Variants in OSBPL6 observed in about 807,000 individuals in gnomAD.
OSBPL6 encodes the protein oxysterol-binding protein-related protein 6.
In OSBPL6, 49 loss-of-function variants were observed where a neutral mutation model predicts 125.8. That is an observed-to-expected ratio of 0.39 (90% CI 0.31 to 0.49). The LOEUF is 0.49. Among genes scored for constraint, OSBPL6 ranks in the 20% least tolerant of loss-of-function variants. OSBPL6 has a pLI of 0.88. For synonymous variants in OSBPL6, 394 were observed against 391.8 expected (o/e 1.01, Z -0.07); for missense variants, 986 against 1,135.4 (o/e 0.87, Z 1.89).
intron 17 of OSBPL6, 86 bp downstream of exon 17, chr2:178,383,363 G>T (rs779770011): frequency 8.1e-5 from 121 of 1,487,210 alleles, no homozygotes; most frequent in Non-Finnish European, 1.1e-4. Flanking sequence ...TGATATATTT[G>T]GCATTTGCAT....
chr2:178,210,577 G>A (rs548376562), intron 1 of OSBPL6, among the ~76,000 whole-genome samples: 1 of 152,206 alleles, frequency 6.6e-6, no homozygotes, highest in South Asian at 2.1e-4. Context: ...GGAGGCTGAG[G>A]CGGCAAATCA....
At position 178,325,089 on chromosome 2, in the gene OSBPL6, G is replaced by A. The variant is rs533059362; in HGVS notation, c.195+820G>A. Reference sequence around the variant, plus strand: ...TCAGACTGGGGAAAATTAAATTCACGTATGTCTAAAATGTAAAAATGATAG... The same window carrying A: ...TCAGACTGGGGAAAATTAAATTCACATATGTCTAAAATGTAAAAATGATAG... On this transcript the variant is annotated intron_variant, in intron 4 of 24. Transcript: ENST00000190611. 1.9e-3 allele frequency among the ~76,000 whole-genome samples: 291 copies of A among 152,222 alleles called. 2 individuals are homozygous for A. The highest frequency in any genetic ancestry group is 3.4e-3 in the Middle Eastern group (1 of 294).
chr2:178,261,669 C>CT (rs2092068256), intron 1 of OSBPL6, among the ~76,000 whole-genome samples: 1 of 152,190 alleles, frequency 6.6e-6, no homozygotes, highest in Admixed American at 6.5e-5. Context: ...TAGTTACTGG[C>CT]TTCTGCAGTA....
At chr2:178,284,423 T>A (rs555874730) in intron 1 of OSBPL6, among the ~76,000 whole-genome samples, 71 of 152,178 alleles carry the variant, frequency 4.7e-4, no homozygotes, top group African/African-American at 1.6e-3. Flanking sequence ...CATGATGGCG[T>A]GTGCCTGTAA....
chr2:178,208,174 A>G (rs1363769584), intron 1 of OSBPL6, among the ~76,000 whole-genome samples: 2 of 152,022 alleles, frequency 1.3e-5, no homozygotes, highest in East Asian at 1.9e-4. Context: ...AGTTCCAGCT[A>G]CTTGGGAGGC....
At chr2:178,270,143 C>T (rs2154024247) in intron 1 of OSBPL6, among the ~76,000 whole-genome samples, 1 of 152,242 alleles carries the variant, frequency 6.6e-6, no homozygotes, top group Non-Finnish European at 1.5e-5. Context: ...GGGGTAGGCT[C>T]AGGACAGGTC....
At chr2:178,293,081 G>A (rs756586196) in intron 2 of OSBPL6, among the ~76,000 whole-genome samples, 4 of 151,846 alleles carry the variant, frequency 2.6e-5, no homozygotes, top group African/African-American at 9.7e-5. Context: ...CTGAAAAACT[G>A]GTGAAAACTG....
At chr2:178,217,829 A>G (rs1372782028) in intron 1 of OSBPL6, among the ~76,000 whole-genome samples, 1 of 152,210 alleles carries the variant, frequency 6.6e-6, no homozygotes, top group Admixed American at 6.5e-5. Context: ...CATGATTGGC[A>G]CAACTGCTGG....
At chr2:178,274,523 A>C (rs1414566768) in intron 1 of OSBPL6, among the ~76,000 whole-genome samples, 1 of 152,192 alleles carries the variant, frequency 6.6e-6, no homozygotes, top group Non-Finnish European at 1.5e-5. Flanking sequence ...ATGGAACAGA[A>C]GCTATGTAAC....
At chr2:178,199,393 G>A (rs1356895489) in intron 1 of OSBPL6, among the ~76,000 whole-genome samples, 1 of 152,118 alleles carries the variant, frequency 6.6e-6, no homozygotes, top group Non-Finnish European at 1.5e-5. Flanking sequence ...TTGCTTCTGA[G>A]GGAATGCTTG....
intron 9 of OSBPL6, among the ~76,000 whole-genome samples, chr2:178,337,060 C>T (rs1208368174): frequency 1.3e-5 from 2 of 152,012 alleles, no homozygotes; most frequent in African/African-American, 4.8e-5. Flanking sequence ...CTCTTCTTAC[C>T]TTCACCTTCC....
intron 13 of OSBPL6, among the ~76,000 whole-genome samples, chr2:178,369,431 C>T (rs1693170475): frequency 6.6e-6 from 1 of 152,126 alleles, no homozygotes; most frequent in Non-Finnish European, 1.5e-5. Flanking sequence ...TGATCTTCAT[C>T]ATGATAACCA....
intron 13 of OSBPL6, 79 bp downstream of exon 13, chr2:178,361,894 G>A: frequency 1.9e-6 from 3 of 1,561,078 alleles, no homozygotes; most frequent in Non-Finnish European, 1.7e-6. Context: ...ATGGGGGGCT[G>A]GCAGGGAGGT....
At chr2:178,329,455 C>A (rs1223325834) in intron 5 of OSBPL6, among the ~76,000 whole-genome samples, 2 of 150,850 alleles carry the variant, frequency 1.3e-5, no homozygotes, top group Non-Finnish European at 3.0e-5. Flanking sequence ...CACTCTGTCA[C>A]CCAGGCTGGA....
chr2:178,346,039 G>A (rs1353984777), intron 11 of OSBPL6, among the ~76,000 whole-genome samples: 2 of 152,208 alleles, frequency 1.3e-5, no homozygotes, highest in Middle Eastern at 3.4e-3. Flanking sequence ...CATTTAATAA[G>A]GTATTCAGGA....
intron 12 of OSBPL6, among the ~76,000 whole-genome samples, chr2:178,361,476 C>CA: frequency 6.6e-6 from 1 of 152,282 alleles, no homozygotes; most frequent in Non-Finnish European, 1.5e-5. Context: ...ACAAATTTTT[C>CA]ACTCTGATCA....
intron 24 of OSBPL6, 90 bp downstream of exon 24, chr2:178,394,525 G>T: frequency 7.0e-7 from 1 of 1,427,222 alleles, no homozygotes; most frequent in Non-Finnish European, 9.5e-7. Context: ...AATAAAATGG[G>T]TAAATGGATT....
intron 1 of OSBPL6, among the ~76,000 whole-genome samples, chr2:178,277,970 A>C (rs2154028660): frequency 6.6e-6 from 1 of 152,304 alleles, no homozygotes; most frequent in Admixed American, 6.5e-5. Flanking sequence ...CCAGCATTTG[A>C]GACCTTCCAC....
At chr2:178,382,081 T>A (rs919484630) in intron 15 of OSBPL6, among the ~76,000 whole-genome samples, 2 of 152,210 alleles carry the variant, frequency 1.3e-5, no homozygotes, top group Non-Finnish European at 2.9e-5. Flanking sequence ...AGTTATTAGG[T>A]TGGTGCAAAA....
Sources: gnomAD v4.1 joint callset for allele counts (sites outside exome capture counted in the v4.1 genomes callset) on GRCh38, gnomAD v4.1.1 for gene constraint, MANE v1.5 for transcripts, NCBI Gene and HGNC (gene_info 2026-07-23, HGNC 2026-07-21) for gene names.